Variants in LRRC2 observed in about 807,000 individuals in gnomAD.
The protein encoded by LRRC2 is leucine-rich repeat-containing protein 2.
A neutral mutation model predicts 40.2 loss-of-function variants in LRRC2; 27 were observed. That is an observed-to-expected ratio of 0.67 (90% CI 0.49 to 0.93). LRRC2 has a LOEUF of 0.93. Ranked by LOEUF, LRRC2 falls within the 40% of genes least tolerant of loss-of-function variation. The pLI is 0.00. For synonymous variants in LRRC2, 147 were observed against 158.9 expected (o/e 0.92, Z 0.56); for missense variants, 402 against 439.6 (o/e 0.91, Z 0.76).
chr3:46,524,339 C>G (rs1018525131), intron 7 of LRRC2, among the ~76,000 whole-genome samples: 2 of 152,170 alleles, frequency 1.3e-5, no homozygotes, highest in African/African-American at 4.8e-5. Context: ...AAATCTCAGG[C>G]TTTTGGTCTG....
intron 8 of LRRC2, among the ~76,000 whole-genome samples, chr3:46,519,775 C>T (rs1246799376): frequency 1.3e-5 from 2 of 152,176 alleles, no homozygotes; most frequent in African/African-American, 2.4e-5. Context: ...GTTGTAGGCC[C>T]TTGTGGGCAG....
intron 3 of LRRC2, among the ~76,000 whole-genome samples, chr3:46,544,186 G>A (rs1044163402): frequency 6.6e-6 from 1 of 151,302 alleles, no homozygotes; most frequent in Non-Finnish European, 1.5e-5. Context: ...AGGAATTCGA[G>A]ACCAGCCTGG....
chr3:46,532,263 T>C (rs1575348185), intron 5 of LRRC2, among the ~76,000 whole-genome samples: 1 of 152,192 alleles, frequency 6.6e-6, no homozygotes, highest in African/African-American at 2.4e-5. Flanking sequence ...TGGTTTTCCT[T>C]TGATAGCATT....
intron 1 of LRRC2, chr3:46,557,882 ACACAGG>A (rs1704845483): frequency 6.6e-6 from 1 of 152,394 alleles, no homozygotes; most frequent in South Asian, 2.1e-4. Context: ...TGTGTGGACC[ACACAGG>A]CACTTGCAGA....
intron 2 of LRRC2, among the ~76,000 whole-genome samples, chr3:46,547,668 GAA>G (rs869095351): frequency 8.1e-6 from 1 of 123,488 alleles, no homozygotes; most frequent in South Asian, 3.3e-4. Context: ...AAAATTACAA[GAA>G]AAAAAAAAAT....
At position 46,522,666 on chromosome 3, in the gene LRRC2, C is replaced by T. The variant is rs79583434; in HGVS notation, c.930-1008G>A. On this transcript the variant is annotated intron_variant, in intron 7 of 8. Transcript: ENST00000395905. ...AAGTCAAGGCTCCAGTGAGCTATGA[C>T]GACACTACTGCACTCTAGCCTGGGC... Among the ~76,000 whole-genome samples, 891 of 151,848 alleles carry T rather than the reference C, an allele frequency of 5.9e-3. 7 individuals are homozygous for T. The highest frequency in any genetic ancestry group is 0.021 in the African/African-American group (852 of 41,392).
At chr3:46,524,819 T>C (rs79324447) in intron 7 of LRRC2, among the ~76,000 whole-genome samples, 8,008 of 152,208 alleles carry the variant, frequency 0.053, 739 homozygotes, top group African/African-American at 0.18. Context: ...TTTGTGATAT[T>C]AACTATATAT....
chr3:46,543,206 G>A (rs1055498547), intron 3 of LRRC2, among the ~76,000 whole-genome samples: 1 of 152,080 alleles, frequency 6.6e-6, no homozygotes, highest in African/African-American at 2.4e-5. Context: ...TGGCGTATGG[G>A]GACAAAGAGA....
intron 4 of LRRC2, among the ~76,000 whole-genome samples, chr3:46,534,975 T>G (rs1704244916): frequency 6.6e-6 from 1 of 152,248 alleles, no homozygotes; most frequent in African/African-American, 2.4e-5. Flanking sequence ...TGTAAGGAGC[T>G]ATATCTGCTC....
chr3:46,531,748 C>T (rs1413118794), intron 5 of LRRC2, among the ~76,000 whole-genome samples: 2 of 152,070 alleles, frequency 1.3e-5, no homozygotes, highest in African/African-American at 2.4e-5. Flanking sequence ...GGAATGGGTG[C>T]TAACAGCTTA....
chr3:46,554,649 AAAAAAAAAG>A (rs1704747544), intron 1 of LRRC2, among the ~76,000 whole-genome samples: 1 of 151,886 alleles, frequency 6.6e-6, no homozygotes, highest in Non-Finnish European at 1.5e-5. Flanking sequence ...CTTAAAAAAA[AAAAAAAAAG>A]AAGAAGAAGA....
At chr3:46,526,532 G>A (rs551828573) in intron 7 of LRRC2, among the ~76,000 whole-genome samples, 280 of 152,318 alleles carry the variant, frequency 1.8e-3, no homozygotes, top group Non-Finnish European at 2.5e-3. Context: ...TAGGGCATGC[G>A]TGAGATGTCT....
intron 7 of LRRC2, among the ~76,000 whole-genome samples, chr3:46,523,880 A>G (rs1438296845): frequency 6.6e-6 from 1 of 152,166 alleles, no homozygotes; most frequent in East Asian, 1.9e-4. Context: ...CACGTCGGAC[A>G]TCTCATTTTT....
chr3:46,524,581 C>T (rs1204630890), intron 7 of LRRC2, among the ~76,000 whole-genome samples: 1 of 152,158 alleles, frequency 6.6e-6, no homozygotes, highest in Non-Finnish European at 1.5e-5. Flanking sequence ...TCATCAATGA[C>T]TGCTATTCTG....
rs778896861 is a variant in LRRC2, at chr3:46,527,485, G to C, written c.870C>G (p.Val290=). The C allele has an allele frequency of 6.2e-7, 1 of 1,613,996 alleles. No individual in the cohort carries two copies. Among genetic ancestry groups the C allele is most frequent in the South Asian group, 1.1e-5 (1 of 91,078 alleles). ...GGAGCTCCACCAAATGGTCCCCACTGACGACTAACAGAGTGAGCTTCTTCA... is the reference window on the plus strand; with the variant it reads ...GGAGCTCCACCAAATGGTCCCCACTCACGACTAACAGAGTGAGCTTCTTCA... The part of the protein sequence containing the change: ...LNLKKLTLLV[V]SGDHLVELPT... The change falls in exon 7 of 9, where the codon GTC becomes GTG. Residue 290 remains valine (V), a synonymous_variant. Coordinates refer to ENST00000395905, the MANE Select transcript of LRRC2 (RefSeq NM_024512.5).
intron 3 of LRRC2, among the ~76,000 whole-genome samples, chr3:46,544,162 A>G (rs895256153): frequency 3.7e-5 from 5 of 136,726 alleles, no homozygotes; most frequent in African/African-American, 1.2e-4. Context: ...TGGCAGGGTA[A>G]TAGGCTCAAG....
chr3:46,532,492 C>T (rs529822755), intron 5 of LRRC2, among the ~76,000 whole-genome samples: 229 of 152,164 alleles, frequency 1.5e-3, no homozygotes, highest in African/African-American at 5.3e-3. Flanking sequence ...GCAGAACCAG[C>T]TACTCAGGAG....
chr3:46,527,628 C>A (rs1451951600), intron 6 of LRRC2, 47 bp from the exon 7 acceptor site: 1 of 1,504,032 alleles, frequency 6.6e-7, no homozygotes, highest in Admixed American at 1.8e-5. Context: ...AGCATCATAG[C>A]TAAGAAAACC....
rs140826505 is a variant in LRRC2 at position 46,557,448 on chromosome 3, T to C, written c.-19-5838A>G. On this transcript the variant is annotated intron_variant, in intron 1 of 8. Coordinates refer to ENST00000395905, the MANE Select transcript of LRRC2 (RefSeq NM_024512.5). ...TACACCCAGGTGATTAAAAGCTTTA[T>C]TGCTCACACAAAGCCTGTTTGGTGG... 6.7e-3 allele frequency: 1,027 copies of C among 152,376 alleles called. 7 individuals carry two copies. Among genetic ancestry groups the C allele is most frequent in the Middle Eastern group, 0.017 (5 of 294 alleles). The allele number at this position is 152,376 out of a possible 1,614,324, so 9.4% of individuals were successfully genotyped here.
Sources: gnomAD v4.1 joint callset for allele counts (sites outside exome capture counted in the v4.1 genomes callset) on GRCh38, gnomAD v4.1.1 for gene constraint, MANE v1.5 for transcripts, NCBI Gene and HGNC (gene_info 2026-07-23, HGNC 2026-07-21) for gene names.